Variants in GREM2 observed in about 807,000 individuals in gnomAD.
GREM2 encodes gremlin 2, DAN family BMP antagonist.
In GREM2, 11 loss-of-function variants were observed where a neutral mutation model predicts 14.2. The ratio of observed to expected loss-of-function variants is 0.78; its 90% CI spans 0.49 to 1.28. The LOEUF (loss-of-function observed/expected upper bound fraction) is 1.28, where lower values mean the gene tolerates loss of function less well. Ranked by LOEUF, GREM2 falls within the 50% of genes most tolerant of loss-of-function variation. The pLI is 0.00. For missense variants in GREM2, 210 were observed against 218.5 expected, an observed-to-expected ratio of 0.96 and a Z score of 0.24; for synonymous variants, 98 against 97.6, an observed-to-expected ratio of 1.00 and a Z score of -0.02.
Position 240,596,847 on chromosome 1 carries a change from T to C in GREM2, c.-2+15037A>G, listed in dbSNP as rs149719269. On this transcript the variant is annotated intron_variant, in intron 1 of 1. Transcript: ENST00000318160. The stretch of plus-strand genomic sequence containing the variant: ...AGATGTACCCAAACTTACGCTCTGA[T>C]AGAAAAACAAACATTTGGTTATCTC... Among the ~76,000 whole-genome samples, 223 of 152,294 alleles carry C rather than the reference T, an allele frequency of 1.5e-3. 2 individuals carry two copies. Among genetic ancestry groups the C allele is most frequent in the African/African-American group, 4.9e-3 (205 of 41,562 alleles).
chr1:240,523,190 T>G (rs2103305721), intron 1 of GREM2, among the ~76,000 whole-genome samples: 1 of 152,330 alleles, frequency 6.6e-6, no homozygotes, highest in Non-Finnish European at 1.5e-5. Context: ...CCTCCCATAT[T>G]CAAGCAATTC....
chr1:240,534,058 T>C (rs1241360913), intron 1 of GREM2, among the ~76,000 whole-genome samples: 1 of 152,164 alleles, frequency 6.6e-6, no homozygotes. Flanking sequence ...AAAATAGTTA[T>C]GAATGGGCTA....
At chr1:240,506,521 A>C (rs1037277502) in intron 1 of GREM2, among the ~76,000 whole-genome samples, 1 of 152,210 alleles carries the variant, frequency 6.6e-6, no homozygotes, top group African/African-American at 2.4e-5. Context: ...AGGAAAACAA[A>C]CATAATCAGA....
chr1:240,587,821 T>G (rs1157128481), intron 1 of GREM2, among the ~76,000 whole-genome samples: 3 of 152,202 alleles, frequency 2.0e-5, no homozygotes, highest in African/African-American at 4.8e-5. Context: ...ACCCTACCTA[T>G]GCTAGATTCT....
intron 1 of GREM2, among the ~76,000 whole-genome samples, chr1:240,523,189 T>C (rs149636076): frequency 8.9e-4 from 136 of 152,300 alleles, no homozygotes; most frequent in African/African-American, 3.2e-3. Flanking sequence ...GCCTCCCATA[T>C]TCAAGCAATT....
chr1:240,502,398 C>T (rs982192095), intron 1 of GREM2, among the ~76,000 whole-genome samples: 1 of 152,278 alleles, frequency 6.6e-6, no homozygotes, highest in East Asian at 1.9e-4. Flanking sequence ...CTTCACTCTT[C>T]CAGTATCTTT....
At chr1:240,498,629 A>G (rs142134832) in intron 1 of GREM2, among the ~76,000 whole-genome samples, 3 of 152,300 alleles carry the variant, frequency 2.0e-5, no homozygotes, top group Non-Finnish European at 2.9e-5. Flanking sequence ...CTGCACAAGC[A>G]TGTCAGCGGC....
intron 1 of GREM2, among the ~76,000 whole-genome samples, chr1:240,570,479 C>A (rs1338778217): frequency 6.6e-6 from 1 of 152,026 alleles, no homozygotes; most frequent in Non-Finnish European, 1.5e-5. Context: ...AACAAAAAAA[C>A]CCACCAAATT....
rs567818622 is a variant in GREM2 at position 240,602,977 on chromosome 1, GC to G, written c.-2+8906del. 3.6e-3 allele frequency among the ~76,000 whole-genome samples: 552 copies of G among 152,242 alleles called. 2 individuals carry two copies. Among genetic ancestry groups the G allele is most frequent in the African/African-American group, 0.013 (534 of 41,554 alleles). ...AGTCCCAGCTACTCGGGAGGCTGAG[GC>G]AGGAGAATGGCGTGAACCCGGGAGG... On this transcript the variant is annotated intron_variant, in intron 1 of 1. Transcript: ENST00000318160.
chr1:240,519,909 C>T (rs1264499555), intron 1 of GREM2, among the ~76,000 whole-genome samples: 3 of 151,896 alleles, frequency 2.0e-5, no homozygotes, highest in Non-Finnish European at 4.4e-5. Context: ...GGAGAAATCC[C>T]GTCTCTACTA....
intron 1 of GREM2, among the ~76,000 whole-genome samples, chr1:240,581,705 G>A (rs1189838123): frequency 2.6e-5 from 4 of 152,126 alleles, no homozygotes; most frequent in Non-Finnish European, 5.9e-5. Flanking sequence ...TGTTCACTTG[G>A]AATTAAGCTT....
intron 1 of GREM2, among the ~76,000 whole-genome samples, chr1:240,546,471 G>C (rs1327830197): frequency 6.6e-5 from 10 of 152,080 alleles, no homozygotes; most frequent in Non-Finnish European, 1.2e-4. Flanking sequence ...TGGGAACATG[G>C]GCATGTCACT....
chr1:240,573,722 A>G lies in GREM2; in HGVS notation c.-2+38162T>C, dbSNP rs142784485. On this transcript the variant is annotated intron_variant, in intron 1 of 1. Coordinates refer to ENST00000318160, the MANE Select transcript of GREM2 (RefSeq NM_022469.4). ...CCAGTCCTCAGGAGGCCTTCCTTTG[A>G]GGACTGTGCTATTAATGCTTTCCAA... Among the ~76,000 whole-genome samples, 8 of 152,226 alleles carry G rather than the reference A, an allele frequency of 5.3e-5. No individual in the cohort carries two copies. In the East Asian group the frequency reaches 1.6e-3, roughly 30 times the overall value.
At chr1:240,552,538 C>T (rs1015787030) in intron 1 of GREM2, among the ~76,000 whole-genome samples, 1 of 152,146 alleles carries the variant, frequency 6.6e-6, no homozygotes, top group African/African-American at 2.4e-5. Flanking sequence ...GAGATTACAG[C>T]GAGCTGTGAT....
intron 1 of GREM2, among the ~76,000 whole-genome samples, chr1:240,519,860 C>T (rs1278344185): frequency 6.6e-6 from 1 of 152,150 alleles, no homozygotes; most frequent in Non-Finnish European, 1.5e-5. Context: ...GTGGATGGAT[C>T]GCCTGAGGTC....
At chr1:240,512,731 T>C (rs927990995) in intron 1 of GREM2, among the ~76,000 whole-genome samples, 1 of 152,236 alleles carries the variant, frequency 6.6e-6, no homozygotes, top group Non-Finnish European at 1.5e-5. Context: ...CATATAAGGT[T>C]TCATGTAAAA....
chr1:240,578,292 C>T (rs1433472247), intron 1 of GREM2, among the ~76,000 whole-genome samples: 1 of 151,760 alleles, frequency 6.6e-6, no homozygotes, highest in East Asian at 2.0e-4. Flanking sequence ...TGCCTGGCTA[C>T]TTTTTGTATT....
At chr1:240,500,876 G>A (rs1187392512) in intron 1 of GREM2, among the ~76,000 whole-genome samples, 1 of 151,958 alleles carries the variant, frequency 6.6e-6, no homozygotes, top group African/African-American at 2.4e-5. Context: ...ACCGGGCGGT[G>A]GAAATGCTGG....
intron 1 of GREM2, among the ~76,000 whole-genome samples, chr1:240,537,617 T>G (rs533339543): frequency 1.3e-5 from 2 of 152,248 alleles, no homozygotes; most frequent in East Asian, 3.9e-4. Context: ...AAACCCCATG[T>G]CTACTAAAAA....
Sources: allele counts gnomAD v4.1 joint callset (sites outside exome capture counted in the v4.1 genomes callset), GRCh38; gene constraint gnomAD v4.1.1; transcripts MANE v1.5; gene names NCBI Gene and HGNC (gene_info 2026-07-23, HGNC 2026-07-21).